Variants in EFCAB13 observed in about 807,000 individuals in gnomAD.
The protein encoded by EFCAB13 is EF-hand calcium binding domain 13, also known as EF-hand calcium-binding domain-containing protein 13.
A neutral mutation model predicts 110.2 loss-of-function variants in EFCAB13; 91 were observed. That is an observed-to-expected ratio of 0.83 (90% confidence interval 0.70 to 0.98). The LOEUF is 0.98. EFCAB13 is among the 50% of genes least tolerant of loss of function. EFCAB13 has a pLI of 0.00. For missense variants in EFCAB13, 968 were observed against 1,119.4 expected (o/e 0.86, Z 1.93); for synonymous variants, 323 against 369.9 (o/e 0.87, Z 1.45).
chr17:47,420,829 C>A lies in EFCAB13; in HGVS notation c.2494+5910C>A, dbSNP rs186831669. On this transcript the variant is annotated intron_variant, in intron 23 of 24. Coordinates refer to ENST00000331493, the MANE Select transcript of EFCAB13 (RefSeq NM_152347.5). ...CGGGAGGGAGGTGGGGGTCAGCCCC[C>A]ACCAGGCCAGCCACCCCGTCCGGGA... 8.3e-3 allele frequency among the ~76,000 whole-genome samples: 1,258 copies of A among 152,052 alleles called. 11 individuals are homozygous for A. The highest frequency in any genetic ancestry group is 0.026 in the African/African-American group (1,073 of 41,420).
intron 15 of EFCAB13, 137 bp from the exon 16 acceptor site, chr17:47,393,888 C>T (rs1294445745): frequency 2.4e-6 from 1 of 411,296 alleles, no homozygotes; most frequent in Admixed American, 4.4e-5. Context: ...CCTTTATACC[C>T]ATATATTTTT....
chr17:47,332,611 CCT>C (rs1014990631), intron 4 of EFCAB13, among the ~76,000 whole-genome samples: 5 of 151,696 alleles, frequency 3.3e-5, no homozygotes, highest in African/African-American at 1.2e-4. Context: ...CTTTCTACTC[CCT>C]GTTTCTATGA....
chr17:47,391,695 C>A, intron 15 of EFCAB13, 115 bp downstream of exon 15: 1 of 923,974 alleles, frequency 1.1e-6, no homozygotes, highest in Non-Finnish European at 1.5e-6. Flanking sequence ...TAAAATTAAA[C>A]TAATACAAAA....
intron 8 of EFCAB13, among the ~76,000 whole-genome samples, chr17:47,345,986 T>TG (rs1252406749): frequency 6.6e-6 from 1 of 152,192 alleles, no homozygotes; most frequent in Non-Finnish European, 1.5e-5. Context: ...AATTAAAACT[T>TG]GCTAGTCTGA....
intron 2 of EFCAB13, among the ~76,000 whole-genome samples, chr17:47,324,842 C>T (rs9912450): frequency 0.58 from 85,412 of 146,524 alleles, 25,434 homozygotes; most frequent in East Asian, 0.67. Flanking sequence ...AACAACGTAA[C>T]TCCTTGAAAG....
chr17:47,428,595 C>T (rs535205030), intron 23 of EFCAB13, among the ~76,000 whole-genome samples: 4 of 152,046 alleles, frequency 2.6e-5, no homozygotes, highest in East Asian at 1.9e-4. Context: ...ATATGCCCAT[C>T]GCCTTTACAA....
chr17:47,345,094 A>T lies in EFCAB13; in HGVS notation c.513A>T (p.Leu171Phe). The T allele has an allele frequency of 6.3e-7, 1 of 1,589,116 alleles. No homozygotes were observed. Among genetic ancestry groups the T allele is most frequent in the South Asian group, 1.2e-5 (1 of 86,438 alleles). Residue 171 changes from leucine (L) to phenylalanine (F), a missense_variant, in exon 8 of 25, where the codon TTA (leucine) becomes TTT (phenylalanine). Leu to Phe is a conservative substitution (Grantham distance 22). Transcript: ENST00000331493. ...ATGGATATTTACACTCAAAAGAATT[A>T]AGTGGTAATAAGAGGTTCTAAAATT... ...VTHGYLHSKE[L>F]SALHKACKIF...
intron 10 of EFCAB13, among the ~76,000 whole-genome samples, chr17:47,368,952 C>T (rs1017959364): frequency 8.5e-5 from 13 of 152,196 alleles, no homozygotes; most frequent in Non-Finnish European, 1.3e-4. Flanking sequence ...CAATTTCCCA[C>T]TTAAAGGATG....
In EFCAB13 at chr17:47,357,882, C is replaced by T. The variant is rs188699390; in HGVS notation, c.662-3496C>T. ...ACTTTCACTCGGACAGACAGAGCAGCGTGTAGAGACCACTTTTTGAATCAC... is the reference window on the plus strand; with the variant it reads ...ACTTTCACTCGGACAGACAGAGCAGTGTGTAGAGACCACTTTTTGAATCAC... On this transcript the variant is annotated intron_variant, in intron 9 of 24. Transcript: ENST00000331493. Among the ~76,000 whole-genome samples the T allele has an allele frequency of 5.3e-5, 8 of 152,080 alleles. No homozygotes were observed. In the East Asian group the frequency reaches 1.6e-3, roughly 30 times the overall value.
At chr17:47,414,948 T>G (rs759036549) in intron 23 of EFCAB13, 29 bp downstream of exon 23, 1 of 1,435,740 alleles carries the variant, frequency 7.0e-7, no homozygotes, top group Non-Finnish European at 9.7e-7. Context: ...TTCAAGAGAA[T>G]GGCTAGAAAA....
chr17:47,415,267 T>C (rs986675423), intron 23 of EFCAB13, among the ~76,000 whole-genome samples: 7 of 152,060 alleles, frequency 4.6e-5, no homozygotes, highest in Non-Finnish European at 4.4e-5. Context: ...GGGATAGCTT[T>C]AGGAGATATA....
chr17:47,364,438 G>A (rs12451744), intron 10 of EFCAB13, among the ~76,000 whole-genome samples: 20,704 of 151,776 alleles, frequency 0.14, 1,889 homozygotes, highest in Admixed American at 0.26. Flanking sequence ...CTCAGCCTCC[G>A]AGTAGCTGGG....
intron 9 of EFCAB13, among the ~76,000 whole-genome samples, chr17:47,357,876 G>A (rs1204414320): frequency 6.6e-6 from 1 of 152,056 alleles, no homozygotes. Context: ...CGGACAGACA[G>A]AGCAGCGTGT....
intron 9 of EFCAB13, among the ~76,000 whole-genome samples, chr17:47,358,587 A>G (rs2065493555): frequency 6.6e-6 from 1 of 152,214 alleles, no homozygotes; most frequent in East Asian, 1.9e-4. Flanking sequence ...TATGTTACAA[A>G]TGTTTTCTTC....
intron 21 of EFCAB13, 102 bp downstream of exon 21, chr17:47,409,793 C>T: frequency 1.1e-6 from 1 of 888,816 alleles, no homozygotes; most frequent in South Asian, 1.5e-5. Context: ...CTGCTGACTT[C>T]AGCCAGATTA....
intron 24 of EFCAB13, chr17:47,430,828 C>T (rs1360066885): frequency 6.6e-6 from 1 of 151,872 alleles, no homozygotes; most frequent in African/African-American, 2.4e-5. Flanking sequence ...AAAAATTCAA[C>T]CTTTATCTTG....
At chr17:47,421,251 T>C (rs1451429357) in intron 23 of EFCAB13, among the ~76,000 whole-genome samples, 1 of 152,116 alleles carries the variant, frequency 6.6e-6, no homozygotes, top group Non-Finnish European at 1.5e-5. Context: ...TTGCCGTGTC[T>C]GTGTAGAAAG....
chr17:47,382,075 C>T (rs1364272518), intron 14 of EFCAB13, among the ~76,000 whole-genome samples: 1 of 152,068 alleles, frequency 6.6e-6, no homozygotes, highest in Non-Finnish European at 1.5e-5. Context: ...CCTTCACATC[C>T]CTTGTAAGTT....
At chr17:47,377,517 G>A (rs1912482) in intron 12 of EFCAB13, 115,284 of 222,192 alleles carry the variant, frequency 0.52, 30,677 homozygotes, top group African/African-American at 0.55. Context: ...ACTGGAACAG[G>A]CTGTTCCCCC....
Sources: gnomAD v4.1 joint callset for allele counts (sites outside exome capture counted in the v4.1 genomes callset) on GRCh38, gnomAD v4.1.1 for gene constraint, MANE v1.5 for transcripts, NCBI Gene and HGNC (gene_info 2026-07-23, HGNC 2026-07-21) for gene names.